The following PIGN variants were observed in gnomAD, a reference collection of about 807,000 sequenced individuals.
PIGN encodes the protein phosphatidylinositol glycan anchor biosynthesis class N.
Under a neutral mutation model 125.4 loss-of-function variants are expected in PIGN, and 117 were observed. The observed-to-expected ratio is 0.93, with a 90% confidence interval of 0.80 to 1.09. The LOEUF (loss-of-function observed/expected upper bound fraction) is 1.09, where lower values mean the gene tolerates loss of function less well. Among genes scored for constraint, PIGN ranks in the 50% least tolerant of loss-of-function variants. The pLI is 0.00. For missense variants in PIGN, 1,075 were observed against 1,094.9 expected (o/e 0.98, Z 0.26); for synonymous variants, 392 against 377.8 (o/e 1.04, Z -0.44).
At chr18:62,145,008 C>CGG (rs33928407) in intron 10 of PIGN, among the ~76,000 whole-genome samples, 2 of 142,046 alleles carry the variant, frequency 1.4e-5, no homozygotes, top group African/African-American at 5.1e-5. Flanking sequence ...AGGAAACTGG[C>CGG]GGGGGGGGGG....
chr18:62,123,225 G>GT (rs1461592440), intron 14 of PIGN, among the ~76,000 whole-genome samples: 2 of 152,172 alleles, frequency 1.3e-5, no homozygotes, highest in East Asian at 3.9e-4. Context: ...GGGCAACAGC[G>GT]TAAGACCCTC....
intron 4 of PIGN, among the ~76,000 whole-genome samples, chr18:62,160,115 A>AAAAAAG (rs1360553735): frequency 1.3e-5 from 2 of 152,226 alleles, no homozygotes; most frequent in East Asian, 3.9e-4. Flanking sequence ...TCCGTCTCAA[A>AAAAAAG]AAAAAGAAAA....
rs759727986 is a variant in PIGN, at chr18:62,146,050, T to G, written c.806-25A>C. On this transcript the variant is annotated intron_variant, in intron 9 of 30. Coordinates refer to ENST00000640252, the MANE Select transcript of PIGN (RefSeq NM_176787.5). ...CCTACAAATAAGATATAAAGAATAA[T>G]AAGACAAATATAGAAGAACTAACTT... 12 of 1,043,730 alleles carry G rather than the reference T, an allele frequency of 1.1e-5. No individual in the cohort carries two copies. The South Asian group carries it at 1.9e-4, about 17-fold the overall frequency. The allele number at this position is 1,043,730 out of a possible 1,614,324, so 64.7% of individuals were successfully genotyped here.
intron 1 of PIGN, among the ~76,000 whole-genome samples, chr18:62,177,605 CT>C (rs1340231764): frequency 6.6e-6 from 1 of 151,992 alleles, no homozygotes; most frequent in Non-Finnish European, 1.5e-5. Flanking sequence ...TTGTAACTTT[CT>C]GTTGAAATTT....
At chr18:62,058,009 T>G (rs1204560766) in intron 30 of PIGN, among the ~76,000 whole-genome samples, 1 of 152,122 alleles carries the variant, frequency 6.6e-6, no homozygotes. Context: ...ACTTCACAGC[T>G]CAAAATGGCT....
At chr18:62,162,199 G>A (rs2036978461) in intron 3 of PIGN, 54 bp downstream of exon 3, 1 of 151,868 alleles carries the variant, frequency 6.6e-6, no homozygotes, top group Non-Finnish European at 1.5e-5. Flanking sequence ...AAATACTTAA[G>A]GAAGAAAAAC....
chr18:62,027,284 T>G (rs570835668), intron 23 of PIGN, among the ~76,000 whole-genome samples: 4 of 152,304 alleles, frequency 2.6e-5, no homozygotes, highest in African/African-American at 9.6e-5. Context: ...CAACATAGTT[T>G]GAACCCCAAA....
chr18:62,174,379 T>C (rs954612785), intron 1 of PIGN: 3 of 152,152 alleles, frequency 2.0e-5, no homozygotes, highest in African/African-American at 7.2e-5. Flanking sequence ...ATTCACAACA[T>C]TCTTCCACTT....
chr18:62,082,776 AT>A, intron 27 of PIGN, 30 bp from the exon 28 acceptor site: 8 of 1,168,122 alleles, frequency 6.8e-6, no homozygotes, highest in Non-Finnish European at 9.9e-6. Context: ...GATGCAAGGA[AT>A]AACTGAAGCA....
At chr18:62,120,346 T>C (rs1364078864) in intron 14 of PIGN, among the ~76,000 whole-genome samples, 2 of 152,210 alleles carry the variant, frequency 1.3e-5, no homozygotes, top group African/African-American at 4.8e-5. Context: ...CTTGAAAAGA[T>C]GTTTGAAAAG....
chr18:62,025,918 C>T (rs2030112979), intron 23 of PIGN, among the ~76,000 whole-genome samples: 1 of 152,168 alleles, frequency 6.6e-6, no homozygotes, highest in Non-Finnish European at 1.5e-5. Flanking sequence ...ATTGTTGCTA[C>T]CCATGCGTCT....
intron 1 of PIGN, among the ~76,000 whole-genome samples, chr18:62,176,381 T>C (rs1261560690): frequency 6.6e-6 from 1 of 151,986 alleles, no homozygotes; most frequent in African/African-American, 2.4e-5. Context: ...CTAAAATCAA[T>C]GGATCAAAGT....
chr18:62,181,095 T>G (rs957941753), intron 1 of PIGN, among the ~76,000 whole-genome samples: 3 of 152,198 alleles, frequency 2.0e-5, no homozygotes, highest in Non-Finnish European at 2.9e-5. Flanking sequence ...CTGCTACTAG[T>G]GTAGAATTTA....
At chr18:62,021,784 C>T (rs1466968332) in intron 23 of PIGN, among the ~76,000 whole-genome samples, 3 of 152,114 alleles carry the variant, frequency 2.0e-5, no homozygotes, top group Non-Finnish European at 4.4e-5. Context: ...TTCTATAGGT[C>T]AGAAGTTTGG....
chr18:62,094,148 T>C (rs1348404366), intron 23 of PIGN, among the ~76,000 whole-genome samples: 8 of 152,190 alleles, frequency 5.3e-5, no homozygotes, highest in South Asian at 4.1e-4. Context: ...TTATCCCCTA[T>C]GTAAGTTACA....
At chr18:62,154,690 A>G in intron 6 of PIGN, 39 bp from the exon 7 acceptor site, 2 of 958,152 alleles carry the variant, frequency 2.1e-6, no homozygotes, top group Admixed American at 1.9e-5. Flanking sequence ...TTTTTACAAA[A>G]TCTTTTAAAC....
intron 22 of PIGN, among the ~76,000 whole-genome samples, chr18:62,096,513 T>TTTC (rs1236343628): frequency 1.1e-5 from 1 of 88,534 alleles, no homozygotes; most frequent in Non-Finnish European, 2.3e-5. Context: ...AATGAATTAT[T>TTTC]TTCTTTTTTT....
chr18:62,166,322 G>T (rs1042269510), intron 1 of PIGN, among the ~76,000 whole-genome samples: 5 of 152,136 alleles, frequency 3.3e-5, no homozygotes, highest in Non-Finnish European at 7.4e-5. Flanking sequence ...CCAACTAAAG[G>T]TTCTTCTGAT....
intron 8 of PIGN, 69 bp downstream of exon 8, chr18:62,148,145 T>G (rs1344116554): frequency 2.4e-6 from 3 of 1,249,722 alleles, no homozygotes; most frequent in Non-Finnish European, 3.2e-6. Context: ...CAAAGAAAAC[T>G]TTATAATAAA....
Sources: allele counts gnomAD v4.1 joint callset (sites outside exome capture counted in the v4.1 genomes callset), GRCh38; gene constraint gnomAD v4.1.1; transcripts MANE v1.5; gene names NCBI Gene and HGNC (gene_info 2026-07-23, HGNC 2026-07-21).